The following PCGF5 variants were observed in gnomAD, a reference collection of about 807,000 sequenced individuals.
PCGF5 encodes the protein polycomb group ring finger 5.
In PCGF5, 9 loss-of-function variants were observed where a neutral mutation model predicts 44.3. That is an observed-to-expected ratio of 0.20 (90% confidence interval 0.12 to 0.35). PCGF5 has a LOEUF of 0.35. Ranked by LOEUF, PCGF5 falls within the 10% of genes least tolerant of loss-of-function variation. The pLI, the probability that PCGF5 is intolerant of heterozygous loss-of-function variation, is 1.00. For synonymous variants in PCGF5, 95 were observed against 102.5 expected (o/e 0.93, Z 0.44); for missense variants, 146 against 305.3 (o/e 0.48, Z 3.89).
At chr10:91,241,334 G>A (rs1845320298) in intron 3 of PCGF5, among the ~76,000 whole-genome samples, 1 of 152,078 alleles carries the variant, frequency 6.6e-6, no homozygotes, top group Non-Finnish European at 1.5e-5. Flanking sequence ...CTCCCAAAGT[G>A]CTGGGATAAA....
upstream of PCGF5, among the ~76,000 whole-genome samples, chr10:91,162,087 C>G (rs1053156834): frequency 6.6e-6 from 1 of 151,996 alleles, no homozygotes; most frequent in African/African-American, 2.4e-5. Context: ...TGGCAGAGAA[C>G]AGAGAAGGAT....
intron 1 of PCGF5, among the ~76,000 whole-genome samples, chr10:91,167,367 T>C (rs1843518138): frequency 6.6e-6 from 1 of 152,160 alleles, no homozygotes; most frequent in Admixed American, 6.6e-5. Context: ...CTGTTTTACA[T>C]GGGAGAACTG....
In PCGF5 at chr10:91,270,421, A is replaced by G. The variant is rs187854247; in HGVS notation, c.664-1217A>G. Among the ~76,000 whole-genome samples, 586 of 151,964 alleles carry G rather than the reference A, an allele frequency of 3.9e-3. 3 individuals carry two copies. The highest frequency in any genetic ancestry group is 0.014 in the African/African-American group (560 of 41,440). ...TCACTTAGTGAAATTGCCACTTTCCAGCTTACTCTTGTTGACCCTGTTTAG... is the reference window on the plus strand; with the variant it reads ...TCACTTAGTGAAATTGCCACTTTCCGGCTTACTCTTGTTGACCCTGTTTAG... On this transcript the variant is annotated intron_variant, in intron 8 of 9. Coordinates refer to ENST00000336126, the MANE Select transcript of PCGF5 (RefSeq NM_032373.5).
At chr10:91,268,496 T>A (rs1040146276) in intron 8 of PCGF5, among the ~76,000 whole-genome samples, 3 of 152,140 alleles carry the variant, frequency 2.0e-5, no homozygotes, top group Non-Finnish European at 4.4e-5. Flanking sequence ...GCGGGTTTTT[T>A]ATTCTATTTG....
At chr10:91,234,131 G>A (rs1845087829) in intron 2 of PCGF5, among the ~76,000 whole-genome samples, 1 of 152,174 alleles carries the variant, frequency 6.6e-6, no homozygotes, top group African/African-American at 2.4e-5. Flanking sequence ...TGTACCTTTT[G>A]TGTAGACACC....
intron 1 of PCGF5, among the ~76,000 whole-genome samples, chr10:91,203,281 T>C (rs1217177587): frequency 2.0e-5 from 3 of 152,212 alleles, no homozygotes; most frequent in Non-Finnish European, 4.4e-5. Flanking sequence ...CATGTCTTTT[T>C]AGCGTTTTCT....
At chr10:91,231,775 A>C (rs1845010829) in intron 2 of PCGF5, among the ~76,000 whole-genome samples, 1 of 152,244 alleles carries the variant, frequency 6.6e-6, no homozygotes, top group African/African-American at 2.4e-5. Context: ...CTATGTCGAA[A>C]GCAGACCTGT....
upstream of PCGF5, among the ~76,000 whole-genome samples, chr10:91,217,917 G>C (rs997839073): frequency 6.6e-6 from 1 of 152,180 alleles, no homozygotes; most frequent in African/African-American, 2.4e-5. Flanking sequence ...CTCCCTAGTA[G>C]CTGGGATTAC....
At chr10:91,207,260 A>C (rs1844364579) in intron 1 of PCGF5, among the ~76,000 whole-genome samples, 1 of 152,204 alleles carries the variant, frequency 6.6e-6, no homozygotes, top group Non-Finnish European at 1.5e-5. Context: ...GAGAGTTGTG[A>C]GATGAGCCAT....
intron 2 of PCGF5, among the ~76,000 whole-genome samples, chr10:91,238,904 G>C (rs796363785): frequency 5.3e-5 from 8 of 151,960 alleles, no homozygotes; most frequent in African/African-American, 1.9e-4. Flanking sequence ...AAGGTTTTCT[G>C]ATACTGTCTT....
At chr10:91,226,007 A>G (rs910010701) in intron 2 of PCGF5, among the ~76,000 whole-genome samples, 3 of 152,128 alleles carry the variant, frequency 2.0e-5, no homozygotes, top group South Asian at 2.1e-4. Context: ...GTGACATTGT[A>G]GTACCATATA....
At chr10:91,224,879 A>T (rs182187445) in intron 2 of PCGF5, among the ~76,000 whole-genome samples, 15 of 152,262 alleles carry the variant, frequency 9.9e-5, no homozygotes. Flanking sequence ...CTAGAGTTAT[A>T]TTCTACTTCC....
chr10:91,214,381 G>A (rs1368065767), intron 1 of PCGF5, among the ~76,000 whole-genome samples: 1 of 151,788 alleles, frequency 6.6e-6, no homozygotes, highest in Non-Finnish European at 1.5e-5. Flanking sequence ...GAGAGAAGAC[G>A]GCCATGGGAC....
At chr10:91,233,011 A>G (rs766454640) in intron 2 of PCGF5, among the ~76,000 whole-genome samples, 1 of 152,332 alleles carries the variant, frequency 6.6e-6, no homozygotes, top group East Asian at 1.9e-4. Context: ...GGCAGAGTAC[A>G]TAGAGAGTTA....
intron 2 of PCGF5, among the ~76,000 whole-genome samples, chr10:91,232,261 G>A (rs1244326766): frequency 6.6e-6 from 1 of 152,124 alleles, no homozygotes; most frequent in Non-Finnish European, 1.5e-5. Flanking sequence ...TCAATGAAGT[G>A]GTAGGAGCAA....
chr10:91,174,712 T>C (rs1187601251), intron 1 of PCGF5, among the ~76,000 whole-genome samples: 2 of 152,230 alleles, frequency 1.3e-5, no homozygotes, highest in Non-Finnish European at 2.9e-5. Context: ...TAATCAGGCA[T>C]GTCTGTAAAA....
At chr10:91,222,466 A>G (rs928066551) in intron 1 of PCGF5, among the ~76,000 whole-genome samples, 4 of 152,182 alleles carry the variant, frequency 2.6e-5, no homozygotes, top group African/African-American at 9.7e-5. Context: ...TTTGGGTGTC[A>G]TTAGTATAGA....
chr10:91,213,546 C>T (rs1844489993), intron 1 of PCGF5, among the ~76,000 whole-genome samples: 1 of 152,088 alleles, frequency 6.6e-6, no homozygotes, highest in Non-Finnish European at 1.5e-5. Flanking sequence ...CTCACTGCAA[C>T]CTCCGCCTCC....
chr10:91,248,760 C>T (rs779592841), intron 5 of PCGF5, 36 bp downstream of exon 5: 3 of 1,528,042 alleles, frequency 2.0e-6, no homozygotes, highest in Non-Finnish European at 2.7e-6. Context: ...GACAGCACCT[C>T]TTAAACTGGT....
Sources: allele counts gnomAD v4.1 joint callset (sites outside exome capture counted in the v4.1 genomes callset), GRCh38; gene constraint gnomAD v4.1.1; transcripts MANE v1.5; gene names NCBI Gene and HGNC (gene_info 2026-07-23, HGNC 2026-07-21).